CPA5: variants seen among roughly 807,000 people sequenced by gnomAD.
The protein encoded by CPA5 is testicular tissue protein Li 32.
Under a neutral mutation model 52.2 loss-of-function variants are expected in CPA5, and 38 were observed. The ratio of observed to expected loss-of-function variants is 0.73; its 90% CI spans 0.56 to 0.95. The LOEUF (loss-of-function observed/expected upper bound fraction) is 0.95, where lower values mean the gene tolerates loss of function less well. CPA5 is among the 40% of genes least tolerant of loss of function. CPA5 has a pLI of 0.00. For synonymous variants in CPA5, 198 were observed against 213.7 expected, an observed-to-expected ratio of 0.93 and a Z score of 0.64; for missense variants, 519 against 566.7, an observed-to-expected ratio of 0.92 and a Z score of 0.86.
intron 5 of CPA5, among the ~76,000 whole-genome samples, chr7:130,355,942 T>C (rs906257121): frequency 3.3e-5 from 5 of 152,320 alleles, no homozygotes; most frequent in Non-Finnish European, 5.9e-5. Flanking sequence ...AGGGAAGCCT[T>C]GTGGTTTGGC....
chr7:130,355,520 C>T (rs1193962231), intron 5 of CPA5, among the ~76,000 whole-genome samples: 1 of 152,150 alleles, frequency 6.6e-6, no homozygotes, highest in Non-Finnish European at 1.5e-5. Context: ...AATTCTCCTG[C>T]CTCAGTTTCC....
At chr7:130,368,758 C>T, downstream of CPA5, 1 of 687,514 alleles carries the variant, frequency 1.5e-6, no homozygotes, top group Non-Finnish European at 2.4e-6. Flanking sequence ...TGGCTACCAC[C>T]CCTATGGGCT....
At chr7:130,349,909 T>C in intron 4 of CPA5, 66 bp from the exon 5 acceptor site, 1 of 1,529,878 alleles carries the variant, frequency 6.5e-7, no homozygotes, top group Non-Finnish European at 8.8e-7. Flanking sequence ...CTCTCTGTGG[T>C]CACCTACAGG....
chr7:130,367,283 A>G, intron 10 of CPA5, 89 bp from the exon 11 acceptor site: 1 of 1,147,800 alleles, frequency 8.7e-7, no homozygotes, highest in Admixed American at 1.8e-5. Context: ...GAGGCTGGGA[A>G]ATGTAGGGGA....
intron 5 of CPA5, among the ~76,000 whole-genome samples, chr7:130,357,623 CAAAA>C (rs140601691): frequency 1.2e-4 from 11 of 95,048 alleles, no homozygotes; most frequent in Non-Finnish European, 1.9e-4. Context: ...AATTCCATCT[CAAAA>C]AAAAAAAAAA....
chr7:130,367,744 G>T, intron 11 of CPA5, 162 bp from the exon 12 acceptor site: 1 of 854,506 alleles, frequency 1.2e-6, no homozygotes. Flanking sequence ...GTGTGATCAA[G>T]TTCAAAGCTG....
chr7:130,369,688 CGTGT>C (rs551759107), downstream of CPA5, among the ~76,000 whole-genome samples: 1 of 151,468 alleles, frequency 6.6e-6, no homozygotes, highest in South Asian at 2.1e-4. Context: ...TGTGTGTGTC[CGTGT>C]GTGTGTGTGT....
At chr7:130,352,305 C>T (rs1214309591) in intron 5 of CPA5, among the ~76,000 whole-genome samples, 1 of 151,988 alleles carries the variant, frequency 6.6e-6, no homozygotes, top group African/African-American at 2.4e-5. Flanking sequence ...GCTGGAAACA[C>T]AGAGATAAAA....
At chr7:130,351,090 G>C (rs1348663447) in intron 5 of CPA5, among the ~76,000 whole-genome samples, 1 of 152,196 alleles carries the variant, frequency 6.6e-6, no homozygotes, top group Non-Finnish European at 1.5e-5. Context: ...GCAGCATTCC[G>C]TTCCCATGCG....
At chr7:130,351,985 G>A (rs1440681137) in intron 5 of CPA5, among the ~76,000 whole-genome samples, 2 of 152,162 alleles carry the variant, frequency 1.3e-5, no homozygotes, top group East Asian at 1.9e-4. Context: ...TCCACGCTCC[G>A]TGTCAATCTT....
chr7:130,369,399 C>T (rs1274419805), downstream of CPA5, among the ~76,000 whole-genome samples: 4 of 152,242 alleles, frequency 2.6e-5, no homozygotes, highest in African/African-American at 4.8e-5. Context: ...AGCCCCAGGC[C>T]TCCTTGTACC....
At chr7:130,360,793 G>T (rs1554406382) in intron 6 of CPA5, among the ~76,000 whole-genome samples, 1 of 152,206 alleles carries the variant, frequency 6.6e-6, no homozygotes, top group African/African-American at 2.4e-5. Flanking sequence ...CAAACGGATT[G>T]AATGGGCCAA....
At chr7:130,349,159 G>T (rs747687473) in intron 4 of CPA5, among the ~76,000 whole-genome samples, 13 of 152,218 alleles carry the variant, frequency 8.5e-5, no homozygotes, top group South Asian at 2.1e-4. Context: ...AGGGCCAGGT[G>T]TGGTGGCTCA....
rs142686907 is a variant in CPA5, at chr7:130,368,560, G to A, written c.1274G>A (p.Arg425Gln). 6.4e-4 allele frequency: 1,032 copies of A among 1,613,830 alleles called. 2 individuals are homozygous for A. Among genetic ancestry groups the A allele is most frequent in the Admixed American group, 8.0e-4 (48 of 59,978 alleles). ...PTAQETWMAL[R>Q]TIMEHTLNHP... ...GCCCAGGAGACGTGGATGGCGCTTC[G>A]GACCATCATGGAGCACACCCTGAAT... Residue 425 changes from arginine to glutamine, a missense_variant, in exon 13 of 13, where the codon CGG (arginine) becomes CAG (glutamine). By Grantham distance (43) the Arg-to-Gln change is conservative. Transcript: ENST00000474905.
In CPA5 at chr7:130,363,450, G is replaced by T; in HGVS notation, c.779G>T (p.Arg260Ile). ...NRLWRKNKSI[R>I]PGIFCIGVDL... ...TTATGGCGGAAGAACAAGTCCATCAGACCTGGAATCTTCTGCATCGGCGTG... is the reference window on the plus strand; with the variant it reads ...TTATGGCGGAAGAACAAGTCCATCATACCTGGAATCTTCTGCATCGGCGTG... Residue 260 changes from arginine (R) to isoleucine (I), a missense_variant, in exon 10 of 13, where the codon AGA becomes ATA. By Grantham distance (97) the Arg-to-Ile change is moderately conservative. Coordinates refer to ENST00000474905, the MANE Select transcript of CPA5 (RefSeq NM_080385.5). The T allele has an allele frequency of 1.3e-6, 2 of 1,581,208 alleles. No individual in the cohort carries two copies. The highest frequency in any genetic ancestry group is 1.2e-5 in the South Asian group (1 of 86,082).
At chr7:130,371,926 C>A (rs1796298581), downstream of CPA5, among the ~76,000 whole-genome samples, 1 of 152,190 alleles carries the variant, frequency 6.6e-6, no homozygotes, top group South Asian at 2.1e-4. Flanking sequence ...CTGCCTTGTG[C>A]CAGGACCTCT....
At chr7:130,369,825 C>T (rs782643041), downstream of CPA5, among the ~76,000 whole-genome samples, 12 of 152,210 alleles carry the variant, frequency 7.9e-5, no homozygotes, top group African/African-American at 2.7e-4. Flanking sequence ...TGTGTAAAGG[C>T]ATAACTTGCT....
chr7:130,354,686 T>C (rs1262506670), intron 5 of CPA5, among the ~76,000 whole-genome samples: 1 of 152,086 alleles, frequency 6.6e-6, no homozygotes, highest in Non-Finnish European at 1.5e-5. Flanking sequence ...AGTGCAGGGA[T>C]CATAGGCGTG....
intron 12 of CPA5, 133 bp downstream of exon 12, chr7:130,368,123 C>A: frequency 1.2e-6 from 1 of 861,410 alleles, no homozygotes; most frequent in Non-Finnish European, 1.9e-6. Flanking sequence ...ACAGTGGTAC[C>A]CAGGGAGCTG....
Sources: gnomAD v4.1 joint callset for allele counts (sites outside exome capture counted in the v4.1 genomes callset) on GRCh38, gnomAD v4.1.1 for gene constraint, MANE v1.5 for transcripts, NCBI Gene and HGNC (gene_info 2026-07-23, HGNC 2026-07-21) for gene names.